Variants in DISC1 observed in about 807,000 individuals in gnomAD.
DISC1 encodes disrupted in schizophrenia 1 protein.
DISC1 carries 57 observed loss-of-function variants against 84.5 expected under a neutral mutation model. That is an observed-to-expected ratio of 0.67 (90% confidence interval 0.55 to 0.84). The LOEUF (loss-of-function observed/expected upper bound fraction) is 0.84. Among genes scored for constraint, DISC1 ranks in the 40% least tolerant of loss-of-function variants. The pLI, the probability that DISC1 is intolerant of heterozygous loss-of-function variation, is 0.00. For missense variants in DISC1, 1,000 were observed against 1,057.8 expected, an observed-to-expected ratio of 0.95 and a Z score of 0.76; for synonymous variants, 411 against 415.2, an observed-to-expected ratio of 0.99 and a Z score of 0.12.
chr1:231,680,743 T>G (rs1272771851), intron 1 of DISC1, among the ~76,000 whole-genome samples: 1 of 152,228 alleles, frequency 6.6e-6, no homozygotes, highest in Non-Finnish European at 1.5e-5. Flanking sequence ...CAGTGTGCTG[T>G]TTCTGTGTGA....
intron 3 of DISC1, among the ~76,000 whole-genome samples, chr1:231,711,323 G>A (rs1573101866): frequency 1.4e-5 from 2 of 145,964 alleles, no homozygotes; most frequent in South Asian, 4.5e-4. Flanking sequence ...TTTTTTTTTA[G>A]AATTGATGTT....
intron 1 of DISC1, among the ~76,000 whole-genome samples, chr1:231,655,467 A>G (rs542205027): frequency 6.6e-6 from 1 of 152,314 alleles, no homozygotes; most frequent in East Asian, 1.9e-4. Flanking sequence ...CATGGTGTAT[A>G]TATACCACAT....
chr1:231,810,829 A>C (rs1456875589), intron 8 of DISC1, among the ~76,000 whole-genome samples: 1 of 152,160 alleles, frequency 6.6e-6, no homozygotes, highest in Non-Finnish European at 1.5e-5. Flanking sequence ...ATTTTGAGTC[A>C]ATTGTTACAG....
chr1:231,873,611 GT>G (rs1429935852), intron 9 of DISC1, among the ~76,000 whole-genome samples: 2 of 152,180 alleles, frequency 1.3e-5, no homozygotes, highest in Non-Finnish European at 2.9e-5. Context: ...GAGAAGGCAG[GT>G]TAGGAATATC....
chr1:231,805,745 G>A (rs2079656964), intron 8 of DISC1, among the ~76,000 whole-genome samples: 1 of 152,092 alleles, frequency 6.6e-6, no homozygotes, highest in African/African-American at 2.4e-5. Flanking sequence ...CTCCAGCACT[G>A]AGGATTACAT....
chr1:231,640,314 C>A lies in DISC1; in HGVS notation c.67+13380C>A, dbSNP rs115383001. On this transcript the variant is annotated intron_variant, in intron 1 of 12. Coordinates refer to ENST00000439617, the MANE Select transcript of DISC1 (RefSeq NM_018662.3). ...TTGGTCTCTGAGCCACCAGGTATAG[C>A]GCTGCATAATGGAAGAACAGATGAA... Among the ~76,000 whole-genome samples the A allele has an allele frequency of 2.8e-3, 426 of 152,256 alleles. 7 individuals are homozygous for A. The highest frequency in any genetic ancestry group is 9.6e-3 in the East Asian group (50 of 5,186).
chr1:231,774,560 G>C, intron 6 of DISC1: 1 of 378,740 alleles, frequency 2.6e-6, no homozygotes, highest in South Asian at 2.0e-5. Context: ...GGTGCAGGGA[G>C]GTATCGCCGC....
intron 10 of DISC1, among the ~76,000 whole-genome samples, chr1:231,985,336 CAAAAAAAAA>C (rs59619547): frequency 3.0e-5 from 3 of 99,710 alleles, no homozygotes; most frequent in African/African-American, 6.9e-5. Flanking sequence ...CCCCACCCAC[CAAAAAAAAA>C]AAAAAAAAAA....
chr1:231,732,940 T>C (rs1421097239), intron 3 of DISC1, among the ~76,000 whole-genome samples: 1 of 151,824 alleles, frequency 6.6e-6, no homozygotes, highest in Admixed American at 6.6e-5. Flanking sequence ...GTAGTGGTGA[T>C]GGTAGAAGCA....
intron 3 of DISC1, chr1:231,724,161 T>G (rs573152727): frequency 6.6e-4 from 305 of 461,376 alleles, no homozygotes; most frequent in African/African-American, 6.1e-3. Flanking sequence ...TGCTCAATTG[T>G]CATATCCTCT....
intron 9 of DISC1, among the ~76,000 whole-genome samples, chr1:231,835,069 T>C (rs1363032090): frequency 2.0e-5 from 3 of 151,796 alleles, no homozygotes; most frequent in African/African-American, 7.3e-5. Context: ...GTGAGAGAGG[T>C]TGGAGAAGAG....
In DISC1 at chr1:231,975,497, A is replaced by G. The variant is rs557165665; in HGVS notation, c.2042+16609A>G. ...AAATCTACCCAAAGGAAAAGAAATC[A>G]ATGTATCAAAAGCCTGCACTTGTAT... On this transcript the variant is annotated intron_variant, in intron 10 of 12. Coordinates refer to ENST00000439617, the MANE Select transcript of DISC1 (RefSeq NM_018662.3). Among the ~76,000 whole-genome samples the G allele has an allele frequency of 2.5e-3, 387 of 152,364 alleles. 2 individuals are homozygous for G. The highest frequency in any genetic ancestry group is 2.9e-3 in the Non-Finnish European group (194 of 68,040).
chr1:231,786,816 G>T lies in DISC1; in HGVS notation c.1635-8426G>T, dbSNP rs150503850. Among the ~76,000 whole-genome samples, 104 of 152,230 alleles carry T rather than the reference G, an allele frequency of 6.8e-4. 1 individual carries two copies. The Middle Eastern group carries it at 0.01, about 15-fold the overall frequency. ...GCTCGACTACTGCTTGGGCCTAGAG[G>T]TATGCCCACTGCACTGCGTCCACCC... On this transcript the variant is annotated intron_variant, in intron 6 of 12. Coordinates refer to ENST00000439617, the MANE Select transcript of DISC1 (RefSeq NM_018662.3).
chr1:232,021,734 A>G (rs1668980873), intron 11 of DISC1, among the ~76,000 whole-genome samples: 3 of 152,298 alleles, frequency 2.0e-5, no homozygotes, highest in Middle Eastern at 3.4e-3. Flanking sequence ...AATCAACACA[A>G]ACTTAGTGAT....
At chr1:231,786,921 G>A (rs1005531363) in intron 6 of DISC1, among the ~76,000 whole-genome samples, 3 of 152,190 alleles carry the variant, frequency 2.0e-5, no homozygotes, top group Non-Finnish European at 2.9e-5. Flanking sequence ...CGTTTTGGCT[G>A]CCTGAACCAG....
At chr1:231,819,779 A>C (rs1318392659) in intron 9 of DISC1, among the ~76,000 whole-genome samples, 1 of 152,184 alleles carries the variant, frequency 6.6e-6, no homozygotes, top group Non-Finnish European at 1.5e-5. Flanking sequence ...AAACGATGGA[A>C]ACTACGGAAT....
Position 231,631,067 on chromosome 1 carries a change from C to G in DISC1, c.67+4133C>G, listed in dbSNP as rs966444516. ...GATGCTAGACATTATGGGGCTCCCT[C>G]CAGTCACTCGGGTCACTCGTCACAG... On this transcript the variant is annotated intron_variant, in intron 1 of 12. Coordinates refer to ENST00000439617, the MANE Select transcript of DISC1 (RefSeq NM_018662.3). 2.6e-5 allele frequency among the ~76,000 whole-genome samples: 4 copies of G among 152,176 alleles called. No individual in the cohort carries two copies. In the South Asian group the frequency reaches 6.2e-4, roughly 24 times the overall value.
chr1:232,017,677 G>C (rs1448629635), intron 11 of DISC1, among the ~76,000 whole-genome samples: 2 of 152,078 alleles, frequency 1.3e-5, no homozygotes, highest in Non-Finnish European at 2.9e-5. Flanking sequence ...TCATGCTAGA[G>C]CTACAGGTAC....
At chr1:231,747,529 G>A (rs59768235) in intron 3 of DISC1, among the ~76,000 whole-genome samples, 1 of 152,130 alleles carries the variant, frequency 6.6e-6, no homozygotes, top group Admixed American at 6.5e-5. Context: ...TCCCCGATTA[G>A]TGTTTGGAAC....
Sources: gnomAD v4.1 joint callset for allele counts (sites outside exome capture counted in the v4.1 genomes callset) on GRCh38, gnomAD v4.1.1 for gene constraint, MANE v1.5 for transcripts, NCBI Gene and HGNC (gene_info 2026-07-23, HGNC 2026-07-21) for gene names.